SEMA6D: variants seen among roughly 807,000 people sequenced by gnomAD.
The protein encoded by SEMA6D is semaphorin 6D.
Under a neutral mutation model 106.6 loss-of-function variants are expected in SEMA6D, and 35 were observed. The observed-to-expected ratio is 0.33, with a 90% confidence interval of 0.25 to 0.44. The LOEUF (loss-of-function observed/expected upper bound fraction) is 0.44. Among genes scored for constraint, SEMA6D ranks in the 20% least tolerant of loss-of-function variants. The pLI is 1.00. For synonymous variants in SEMA6D, 499 were observed against 487.7 expected (o/e 1.02, Z -0.31); for missense variants, 1,185 against 1,345.9 (o/e 0.88, Z 1.87).
At chr15:47,766,461 G>C in intron 15 of SEMA6D, 155 bp from the exon 16 acceptor site, 1 of 679,914 alleles carries the variant, frequency 1.5e-6, no homozygotes. Context: ...AACAGAAATA[G>C]TCATTTTAGC....
chr15:47,376,445 C>T lies in SEMA6D; in HGVS notation c.-238-35948C>T, dbSNP rs1253236521. Among the ~76,000 whole-genome samples the T allele has an allele frequency of 2.6e-5, 4 of 152,216 alleles. No individual in the cohort carries two copies. The South Asian group carries it at 8.3e-4, about 32-fold the overall frequency. Reference sequence around the variant, plus strand: ...CTGGTTTCACAATGGAGATGTTGAACATAAAAGTTGGCTCCATCATAATGT... The same window carrying T: ...CTGGTTTCACAATGGAGATGTTGAATATAAAAGTTGGCTCCATCATAATGT... On this transcript the variant is annotated intron_variant, in intron 1 of 19. Coordinates refer to the SEMA6D transcript ENST00000558014.
chr15:47,358,561 C>T (rs2038681379), intron 1 of SEMA6D, among the ~76,000 whole-genome samples: 1 of 152,096 alleles, frequency 6.6e-6, no homozygotes, highest in Non-Finnish European at 1.5e-5. Context: ...ACTCCTTTAC[C>T]CTCCAAAATC....
chr15:47,588,932 G>A (rs2076389593), intron 3 of SEMA6D, among the ~76,000 whole-genome samples: 2 of 152,202 alleles, frequency 1.3e-5, no homozygotes, highest in African/African-American at 4.8e-5. Flanking sequence ...TCACAATGGG[G>A]AGGCTGCATA....
Position 47,234,357 on chromosome 15 carries a change from T to C in SEMA6D, c.-239+49939T>C, listed in dbSNP as rs1475803670. The stretch of plus-strand genomic sequence containing the variant: ...ATATATTATTTTAATATGTATTATT[T>C]CAGTAGCTTTTGGGATACAAATGGT... On this transcript the variant is annotated intron_variant, in intron 1 of 19. Coordinates refer to the SEMA6D transcript ENST00000558014. Among the ~76,000 whole-genome samples, 3 of 151,994 alleles carry C rather than the reference T, an allele frequency of 2.0e-5. No individual in the cohort carries two copies. In the East Asian group the frequency reaches 5.8e-4, roughly 29 times the overall value.
chr15:47,336,563 G>C (rs1427254703), intron 1 of SEMA6D, among the ~76,000 whole-genome samples: 1 of 152,080 alleles, frequency 6.6e-6, no homozygotes, highest in Non-Finnish European at 1.5e-5. Context: ...CCCTATGATC[G>C]AAGGACACTG....
chr15:47,586,630 G>A (rs188729223), intron 3 of SEMA6D, among the ~76,000 whole-genome samples: 4 of 152,034 alleles, frequency 2.6e-5, no homozygotes, highest in African/African-American at 7.2e-5. Context: ...TTTTACTTTC[G>A]GAAACCAACA....
At position 47,762,269 on chromosome 15, in the gene SEMA6D, G is replaced by C. The variant is rs1306277496; in HGVS notation, c.608G>C (p.Gly203Ala). ...GATGCCGTTATTTATCGAAGCATGG[G>C]TGATGGATCTGCCCTTCGCACAATA... is the stretch of plus-strand genomic sequence containing the variant. ...ASDAVIYRSM[G>A]DGSALRTIKY... The change falls in exon 8 of 19, where the codon GGT (glycine) becomes GCT (alanine). Residue 203 changes from glycine to alanine, a missense_variant. Physicochemically the swap from Gly to Ala is moderately conservative, Grantham distance 60. Around this residue, in one of 3 missense-constraint regions of SEMA6D, gnomAD observed 291 missense variants for 423.8 expected, o/e 0.69. Coordinates refer to ENST00000536845, the MANE Select transcript of SEMA6D (RefSeq NM_001358351.3). 1 of 1,613,692 alleles carries C rather than the reference G, an allele frequency of 6.2e-7. No individual in the cohort carries two copies. The highest frequency in any genetic ancestry group is 8.5e-7 in the Non-Finnish European group (1 of 1,179,650).
At chr15:47,418,238 C>A (rs939408629) in intron 2 of SEMA6D, among the ~76,000 whole-genome samples, 1 of 152,012 alleles carries the variant, frequency 6.6e-6, no homozygotes, top group African/African-American at 2.4e-5. Context: ...TGCAAAAGCT[C>A]TGAGACAAGA....
In SEMA6D at chr15:47,762,243, C is replaced by T. The variant is rs142797605; in HGVS notation, c.582C>T (p.Ser194=). ...CCACAGTGGCTGACTTCTTGGCCAG[C>T]GATGCCGTTATTTATCGAAGCATGG... is the stretch of plus-strand genomic sequence containing the variant. ...YSATVADFLA[S]DAVIYRSMGD... Residue 194 remains serine (S), a synonymous_variant, in exon 8 of 19, where the codon AGC becomes AGT. Coordinates refer to ENST00000536845, the MANE Select transcript of SEMA6D (RefSeq NM_001358351.3). The T allele has an allele frequency of 4.8e-5, 78 of 1,613,480 alleles. No homozygotes were observed. The Middle Eastern group carries it at 6.6e-3, about 137-fold the overall frequency.
intron 3 of SEMA6D, chr15:47,525,299 A>T (rs754050060): frequency 1.3e-5 from 2 of 152,238 alleles, no homozygotes; most frequent in Non-Finnish European, 2.9e-5. Flanking sequence ...TTATGGAAAC[A>T]TAGCTATGCT....
rs565744285 is a variant in SEMA6D, at chr15:47,397,402, C to T, written c.-238-14991C>T. The T allele has an allele frequency of 5.9e-5, 9 of 152,182 alleles. No individual in the cohort carries two copies. In the South Asian group the frequency reaches 6.2e-4, roughly 11 times the overall value. The allele number at this position is 152,182 out of a possible 1,614,324, so 9.4% of individuals were successfully genotyped here. On this transcript the variant is annotated intron_variant, in intron 1 of 19. Coordinates refer to the SEMA6D transcript ENST00000558014. ...CAGGCCTTATGAGGGCAGATAGTGT[C>T]CTTTGACTCTTTTTTTTTGCAGTCC...
intron 1 of SEMA6D, among the ~76,000 whole-genome samples, chr15:47,393,649 A>G (rs1015458481): frequency 6.6e-6 from 1 of 152,200 alleles, no homozygotes; most frequent in African/African-American, 2.4e-5. Context: ...TTGTGTTACC[A>G]TAAACAACAC....
intron 1 of SEMA6D, among the ~76,000 whole-genome samples, chr15:47,208,463 A>T (rs1467551573): frequency 6.6e-6 from 1 of 152,184 alleles, no homozygotes; most frequent in Non-Finnish European, 1.5e-5. Context: ...ATCGTGTTTC[A>T]GAAGAGGCTT....
chr15:47,355,096 A>C (rs2144922908), intron 1 of SEMA6D, among the ~76,000 whole-genome samples: 1 of 152,264 alleles, frequency 6.6e-6, no homozygotes, highest in East Asian at 1.9e-4. Context: ...CTGTGTTCTG[A>C]AATTATTTGC....
At chr15:47,225,061 C>G (rs1392164513) in intron 1 of SEMA6D, among the ~76,000 whole-genome samples, 1 of 151,886 alleles carries the variant, frequency 6.6e-6, no homozygotes, top group African/African-American at 2.4e-5. Flanking sequence ...GAACATCAAC[C>G]CTTAGTCTTA....
chr15:47,259,275 C>T (rs997163608), intron 1 of SEMA6D, among the ~76,000 whole-genome samples: 1 of 152,170 alleles, frequency 6.6e-6, no homozygotes, highest in Non-Finnish European at 1.5e-5. Flanking sequence ...CTTCCCAATG[C>T]TGCAAGATAC....
intron 3 of SEMA6D, among the ~76,000 whole-genome samples, chr15:47,593,706 C>T (rs1323616380): frequency 1.3e-5 from 2 of 152,126 alleles, no homozygotes; most frequent in African/African-American, 4.8e-5. Flanking sequence ...CATTATTCCA[C>T]AGGGTGTACA....
intron 1 of SEMA6D, among the ~76,000 whole-genome samples, chr15:47,243,052 T>C (rs1388453078): frequency 6.6e-6 from 1 of 152,146 alleles, no homozygotes; most frequent in Admixed American, 6.6e-5. Context: ...CAATCACTTA[T>C]ATATATTCAC....
At chr15:47,425,852 A>C (rs2041319746) in intron 2 of SEMA6D, among the ~76,000 whole-genome samples, 1 of 151,922 alleles carries the variant, frequency 6.6e-6, no homozygotes, top group Admixed American at 6.6e-5. Flanking sequence ...AGGACTGGAA[A>C]CAAATTTATT....
Sources: gnomAD v4.1 joint callset for allele counts (sites outside exome capture counted in the v4.1 genomes callset) on GRCh38, gnomAD v4.1.1 for gene constraint, gnomAD v4.1.1 regional missense constraint, MANE v1.5 for transcripts, NCBI Gene and HGNC (gene_info 2026-07-23, HGNC 2026-07-21) for gene names.